PTPRR: variants seen among roughly 807,000 people sequenced by gnomAD.
PTPRR encodes the protein receptor-type tyrosine-protein phosphatase R.
A neutral mutation model predicts 77.2 loss-of-function variants in PTPRR; 38 were observed. The ratio of observed to expected loss-of-function variants is 0.49; its 90% CI spans 0.38 to 0.65. The LOEUF (loss-of-function observed/expected upper bound fraction) is 0.65, where lower values mean the gene tolerates loss of function less well. PTPRR is among the 30% of genes least tolerant of loss of function. PTPRR has a pLI of 0.00. For missense variants in PTPRR, 744 were observed against 799.2 expected, an observed-to-expected ratio of 0.93 and a Z score of 0.83; for synonymous variants, 299 against 283.1, an observed-to-expected ratio of 1.06 and a Z score of -0.57.
Position 70,692,095 on chromosome 12 carries a change from G to A in PTPRR, c.1279+6170C>T, listed in dbSNP as rs897114493. On this transcript the variant is annotated intron_variant, in intron 8 of 13. Transcript: ENST00000283228. ...ACCCAAATAAATATGGGAAACATTG[G>A]GTTAAACAAATCTGAACCATATTCT... Among the ~76,000 whole-genome samples the A allele has an allele frequency of 4.5e-4, 69 of 152,058 alleles. 1 individual carries two copies. The highest frequency in any genetic ancestry group is 1.6e-3 in the African/African-American group (68 of 41,398).
At position 70,662,555 on chromosome 12, in the gene PTPRR, C is replaced by A; in HGVS notation, c.1548G>T (p.Glu516Asp). The A allele has an allele frequency of 6.2e-7, 1 of 1,612,742 alleles. No individual in the cohort carries two copies. Among genetic ancestry groups the A allele is most frequent in the African/African-American group, 1.3e-5 (1 of 74,982 alleles). Reference protein sequence around the residue: ...PEKRGIYGKVEVLVISVNECD... With the variant: ...PEKRGIYGKVDVLVISVNECD... ...ATTCATTTACACTGATAACCAGAAC[C>A]TCAACTTTTCCATATATCCCTCTCT... is the stretch of plus-strand genomic sequence containing the variant. The change falls in exon 11 of 14, where the codon GAG becomes GAT. Residue 516 changes from glutamate to aspartate, a missense_variant. Physicochemically the swap from Glu to Asp is conservative, Grantham distance 45. This residue lies in a region of PTPRR where 170 missense variants were observed against 209.8 expected (regional missense o/e 0.81). Transcript: ENST00000283228.
intron 2 of PTPRR, among the ~76,000 whole-genome samples, chr12:70,864,785 T>G (rs976058216): frequency 6.6e-6 from 1 of 152,114 alleles, no homozygotes; most frequent in Non-Finnish European, 1.5e-5. Flanking sequence ...TGGTAGTGAA[T>G]AAGTCTCACA....
chr12:70,643,277 GTGCA>G (rs1886074426), intron 13 of PTPRR, among the ~76,000 whole-genome samples: 2 of 152,094 alleles, frequency 1.3e-5, no homozygotes, highest in Non-Finnish European at 2.9e-5. Flanking sequence ...GGGATGACAG[GTGCA>G]TGCCACCATA....
At chr12:70,805,971 G>C (rs1454117952) in intron 2 of PTPRR, among the ~76,000 whole-genome samples, 1 of 152,172 alleles carries the variant, frequency 6.6e-6, no homozygotes, top group African/African-American at 2.4e-5. Flanking sequence ...GAATATAATT[G>C]TGCCAAAGCA....
chr12:70,663,973 CAA>C (rs970052778), intron 10 of PTPRR, among the ~76,000 whole-genome samples: 3 of 152,168 alleles, frequency 2.0e-5, no homozygotes, highest in African/African-American at 7.2e-5. Context: ...AAAAGTGACA[CAA>C]AGTATCAGAA....
At chr12:70,722,172 T>C (rs1889281828) in intron 6 of PTPRR, among the ~76,000 whole-genome samples, 1 of 152,176 alleles carries the variant, frequency 6.6e-6, no homozygotes, top group East Asian at 1.9e-4. Context: ...TTTTAGGTCT[T>C]GTGCCTAGGA....
chr12:70,647,807 G>A (rs1259977549), intron 13 of PTPRR, among the ~76,000 whole-genome samples: 1 of 152,162 alleles, frequency 6.6e-6, no homozygotes, highest in Non-Finnish European at 1.5e-5. Context: ...GTAATCTCCT[G>A]TTAATAGGAA....
intron 2 of PTPRR, among the ~76,000 whole-genome samples, chr12:70,767,342 A>G (rs1432660137): frequency 2.7e-5 from 4 of 150,604 alleles, no homozygotes; most frequent in Non-Finnish European, 5.9e-5. Context: ...AATGGAAAAC[A>G]AAAAATTACA....
intron 2 of PTPRR, among the ~76,000 whole-genome samples, chr12:70,766,168 G>A (rs1357323795): frequency 6.6e-6 from 1 of 152,234 alleles, no homozygotes; most frequent in Non-Finnish European, 1.5e-5. Flanking sequence ...GACAGAGAAT[G>A]ACTTTGACGA....
chr12:70,693,750 C>T (rs528876571), intron 8 of PTPRR, among the ~76,000 whole-genome samples: 39 of 151,894 alleles, frequency 2.6e-4, no homozygotes, highest in African/African-American at 9.2e-4. Flanking sequence ...TAATCATCAT[C>T]GTTTTCATCA....
intron 2 of PTPRR, among the ~76,000 whole-genome samples, chr12:70,789,288 A>C (rs1592758994): frequency 6.6e-6 from 1 of 152,036 alleles, no homozygotes; most frequent in East Asian, 1.9e-4. Context: ...AAAATATTAA[A>C]TACTCATAAG....
At chr12:70,798,487 C>CA (rs1279279262) in intron 2 of PTPRR, among the ~76,000 whole-genome samples, 3 of 152,214 alleles carry the variant, frequency 2.0e-5, no homozygotes, top group Non-Finnish European at 2.9e-5. Context: ...GCTTTTACAA[C>CA]AGGCTCCACA....
At chr12:70,812,479 A>G (rs555849564) in intron 2 of PTPRR, among the ~76,000 whole-genome samples, 1 of 152,342 alleles carries the variant, frequency 6.6e-6, no homozygotes, top group Non-Finnish European at 1.5e-5. Flanking sequence ...CACTCCATTT[A>G]ATTCCTCAAG....
rs1014716604 is a variant in PTPRR, at chr12:70,764,449, T to C, written c.471+216A>G. On this transcript the variant is annotated intron_variant, in intron 3 of 13. Transcript: ENST00000283228. Reference sequence around the variant, plus strand: ...ACAGTTTAGGCTTCATGAGCCAATCTTTTGCAACTACTGAACTCTGCCACT... The same window carrying C: ...ACAGTTTAGGCTTCATGAGCCAATCCTTTGCAACTACTGAACTCTGCCACT... Among the ~76,000 whole-genome samples the C allele has an allele frequency of 3.6e-4, 55 of 152,286 alleles. No homozygotes were observed. The East Asian group carries it at 9.4e-3, about 26-fold the overall frequency.
intron 2 of PTPRR, among the ~76,000 whole-genome samples, chr12:70,813,344 C>T (rs1197677646): frequency 2.6e-5 from 4 of 152,196 alleles, no homozygotes; most frequent in Non-Finnish European, 5.9e-5. Context: ...TATTACAGGT[C>T]CTTTGGGAAG....
At chr12:70,721,040 T>C (rs1889232887) in intron 6 of PTPRR, among the ~76,000 whole-genome samples, 1 of 152,156 alleles carries the variant, frequency 6.6e-6, no homozygotes, top group Non-Finnish European at 1.5e-5. Context: ...GCATATCTTA[T>C]ATAAACCAGA....
intron 2 of PTPRR, among the ~76,000 whole-genome samples, chr12:70,811,314 A>T (rs1425106148): frequency 6.6e-6 from 1 of 152,222 alleles, no homozygotes; most frequent in East Asian, 1.9e-4. Flanking sequence ...TTCAGTAAAC[A>T]TTCTCCCAAA....
chr12:70,669,540 G>A lies in PTPRR; in HGVS notation c.1498-6935C>T, dbSNP rs528152472. ...ATATAAGCTATATATATACACACAAGCCATATATATATATGTTATACACAC... is the reference window on the plus strand; with the variant it reads ...ATATAAGCTATATATATACACACAAACCATATATATATATGTTATACACAC... On this transcript the variant is annotated intron_variant, in intron 10 of 13. Transcript: ENST00000283228. Among the ~76,000 whole-genome samples the A allele has an allele frequency of 1.6e-3, 224 of 135,886 alleles. 1 individual carries two copies. Among genetic ancestry groups the A allele is most frequent in the Non-Finnish European group, 2.7e-3 (177 of 64,864 alleles). 89.1% of individuals were successfully genotyped at this position (135,886 alleles called of 152,430 possible).
intron 2 of PTPRR, among the ~76,000 whole-genome samples, chr12:70,823,873 G>A (rs1892065065): frequency 6.6e-6 from 1 of 152,150 alleles, no homozygotes; most frequent in Non-Finnish European, 1.5e-5. Flanking sequence ...TGTGCTACTC[G>A]GCCTGTGGGC....
Sources: gnomAD v4.1 joint callset for allele counts (sites outside exome capture counted in the v4.1 genomes callset) on GRCh38, gnomAD v4.1.1 for gene constraint, gnomAD v4.1.1 regional missense constraint, MANE v1.5 for transcripts, NCBI Gene and HGNC (gene_info 2026-07-23, HGNC 2026-07-21) for gene names.